Variants in PAPPA observed in about 807,000 individuals in gnomAD.
PAPPA encodes pappalysin-1.
PAPPA carries 60 observed loss-of-function variants against 164.0 expected under a neutral mutation model. The observed-to-expected ratio is 0.37, with a 90% CI of 0.30 to 0.45. The LOEUF is 0.45. Ranked by LOEUF, PAPPA falls within the 20% of genes least tolerant of loss-of-function variation. The pLI, the probability that PAPPA is intolerant of heterozygous loss-of-function variation, is 1.00. For synonymous variants in PAPPA, 875 were observed against 814.1 expected (o/e 1.07, Z -1.27); for missense variants, 1,782 against 2,087.3 (o/e 0.85, Z 2.85).
At chr9:116,176,052 C>T (rs913888398) in intron 1 of PAPPA, among the ~76,000 whole-genome samples, 1 of 152,166 alleles carries the variant, frequency 6.6e-6, no homozygotes, top group African/African-American at 2.4e-5. Flanking sequence ...TGCTCATCAA[C>T]ACTTATACAC....
At chr9:116,218,342 A>G (rs1844401638) in intron 4 of PAPPA, among the ~76,000 whole-genome samples, 1 of 152,172 alleles carries the variant, frequency 6.6e-6, no homozygotes, top group Non-Finnish European at 1.5e-5. Context: ...TGTTTGTTTG[A>G]TAAGAAGAAA....
At position 116,271,493 on chromosome 9, in the gene PAPPA, AATAG is replaced by A; in HGVS notation, c.2953+78_2953+81del. ...ATGGTTGGTCAATGATAATGCCAAC[AATAG>A]TTATGACTAAATGATGATTCACTCC... On this transcript the variant is annotated intron_variant, in intron 9 of 21. Transcript: ENST00000328252. The surrounding 1 kb of genome is among the most constrained non-coding windows in gnomAD (Gnocchi z 4.2). The A allele has an allele frequency of 1.0e-6, 1 of 992,888 alleles. No homozygotes were observed. The highest frequency in any genetic ancestry group is 1.3e-5 in the South Asian group (1 of 77,026). The allele number at this position is 992,888 out of a possible 1,614,324, so 61.5% of individuals were successfully genotyped here. A position where few individuals can be genotyped will look rare whatever the true frequency, so the allele number is the denominator to read the frequency against.
chr9:116,234,451 T>C (rs1280895322), intron 6 of PAPPA, among the ~76,000 whole-genome samples: 2 of 152,124 alleles, frequency 1.3e-5, no homozygotes, highest in Non-Finnish European at 2.9e-5. Flanking sequence ...CTGTTGTTCA[T>C]GGTTCTAGAC....
At chr9:116,155,160 A>G (rs909664476) in intron 1 of PAPPA, among the ~76,000 whole-genome samples, 2 of 152,028 alleles carry the variant, frequency 1.3e-5, no homozygotes, top group African/African-American at 4.8e-5. Flanking sequence ...ACGCCATCCC[A>G]TGTCCTAGCT....
intron 7 of PAPPA, among the ~76,000 whole-genome samples, chr9:116,252,155 G>T (rs545286039): frequency 7.6e-4 from 115 of 152,314 alleles, no homozygotes; most frequent in African/African-American, 2.8e-3. Flanking sequence ...ATCAAAGATT[G>T]CTGGAATTAA....
chr9:116,194,784 T>C (rs1316114782), intron 2 of PAPPA, among the ~76,000 whole-genome samples: 5 of 152,124 alleles, frequency 3.3e-5, no homozygotes, highest in Admixed American at 3.3e-4. Context: ...GGACACCATA[T>C]CCTCCCTGTC....
intron 21 of PAPPA, among the ~76,000 whole-genome samples, chr9:116,382,919 A>T (rs1846751635): frequency 6.6e-6 from 1 of 152,164 alleles, no homozygotes; most frequent in Non-Finnish European, 1.5e-5. Flanking sequence ...GTAAAATCCC[A>T]GTGAGAACAC....
intron 19 of PAPPA, chr9:116,373,590 G>A (rs1846604620): frequency 6.6e-6 from 1 of 151,978 alleles, no homozygotes; most frequent in African/African-American, 2.4e-5. Context: ...ACATGTCTTT[G>A]GCTCTGCTTG....
At chr9:116,270,889 G>A (rs1029172770) in intron 8 of PAPPA, among the ~76,000 whole-genome samples, 1 of 152,074 alleles carries the variant, frequency 6.6e-6, no homozygotes, top group Non-Finnish European at 1.5e-5. Flanking sequence ...GGAATAAGAA[G>A]GATATCAAGG....
In PAPPA at chr9:116,187,590, C is replaced by A. The variant is rs756629526; in HGVS notation, c.852C>A (p.Leu284=). The A allele has an allele frequency of 1.2e-6, 2 of 1,614,212 alleles. No individual in the cohort carries two copies. Among genetic ancestry groups the A allele is most frequent in the Non-Finnish European group, 1.7e-6 (2 of 1,180,026 alleles). The change falls in exon 2 of 22, where the codon CTC becomes CTA. Residue 284 remains leucine (L), a synonymous_variant. Coordinates refer to ENST00000328252, the MANE Select transcript of PAPPA (RefSeq NM_002581.5). This position sits in a 1 kb window ranked among gnomAD's most constrained non-coding sequence, Gnocchi z 4.2. ...THGAHTALPQ[L]LLQENWDNVK... Reference sequence around the variant, plus strand: ...GCGCCCACACTGCTCTACCTCAGCTCCTCCTCCAGGAGAACTGGGACAATG... The same window carrying A: ...GCGCCCACACTGCTCTACCTCAGCTACTCCTCCAGGAGAACTGGGACAATG...
chr9:116,303,111 A>G (rs1845600403), intron 10 of PAPPA, among the ~76,000 whole-genome samples, 161 bp downstream of exon 10: 1 of 152,204 alleles, frequency 6.6e-6, no homozygotes, highest in African/African-American at 2.4e-5. Context: ...TTTGTAAAAG[A>G]TTAGATCTGG....
At chr9:116,184,719 CT>C (rs1333974616) in intron 1 of PAPPA, among the ~76,000 whole-genome samples, 1 of 152,208 alleles carries the variant, frequency 6.6e-6, no homozygotes, top group Admixed American at 6.5e-5. Flanking sequence ...TGCAAAGATC[CT>C]GATCTTTCTA....
intron 21 of PAPPA, among the ~76,000 whole-genome samples, chr9:116,392,576 T>C (rs958960733): frequency 2.6e-5 from 4 of 152,218 alleles, no homozygotes; most frequent in Admixed American, 2.6e-4. Flanking sequence ...CCCAAGTCCT[T>C]TCCAGGTTAG....
At position 116,212,806 on chromosome 9, in the gene PAPPA, A is replaced by T. The variant is rs531835016; in HGVS notation, c.1918+874A>T. On this transcript the variant is annotated intron_variant, in intron 4 of 21. Coordinates refer to ENST00000328252, the MANE Select transcript of PAPPA (RefSeq NM_002581.5). The stretch of plus-strand genomic sequence containing the variant: ...ATGAATAAATTCTCTTATAACAGGT[A>T]TATAAAATTTATTCTTATCAAAAGC... Among the ~76,000 whole-genome samples, 14 of 152,316 alleles carry T rather than the reference A, an allele frequency of 9.2e-5. No homozygotes were observed. The East Asian group carries it at 2.7e-3, about 29-fold the overall frequency.
At chr9:116,352,167 A>T (rs1846290759) in intron 15 of PAPPA, among the ~76,000 whole-genome samples, 1 of 152,158 alleles carries the variant, frequency 6.6e-6, no homozygotes, top group Admixed American at 6.5e-5. Context: ...ACAGAAAATC[A>T]AATCTCCTAA....
chr9:116,182,249 A>G lies in PAPPA; in HGVS notation c.416-4905A>G, dbSNP rs144784225. 2.9e-3 allele frequency among the ~76,000 whole-genome samples: 439 copies of G among 152,366 alleles called. 1 individual carries two copies. Among genetic ancestry groups the G allele is most frequent in the Non-Finnish European group, 5.0e-3 (343 of 68,036 alleles). ...TCTCAATAAAGAGTAAGATACTCTT[A>G]TAGAGAAGGCAGAAATAGGGAAGTA... On this transcript the variant is annotated intron_variant, in intron 1 of 21. Transcript: ENST00000328252.
chr9:116,371,455 A>G (rs929549479), intron 19 of PAPPA, among the ~76,000 whole-genome samples: 3 of 152,176 alleles, frequency 2.0e-5, no homozygotes, highest in Non-Finnish European at 2.9e-5. Flanking sequence ...ACACTGAGGC[A>G]TATTAGTAGT....
At chr9:116,277,790 C>T (rs750058765) in intron 9 of PAPPA, among the ~76,000 whole-genome samples, 19 of 152,164 alleles carry the variant, frequency 1.2e-4, no homozygotes, top group African/African-American at 4.6e-4. Flanking sequence ...GATTCTCCTA[C>T]GTCAGCCTCC....
chr9:116,315,489 A>G (rs116429573), intron 10 of PAPPA, among the ~76,000 whole-genome samples: 62 of 152,304 alleles, frequency 4.1e-4, no homozygotes, highest in African/African-American at 1.5e-3. Context: ...TTTCTCTGCT[A>G]ACAGCTTTGG....
Sources: allele counts gnomAD v4.1 joint callset (sites outside exome capture counted in the v4.1 genomes callset), GRCh38; gene constraint gnomAD v4.1.1; non-coding constraint Gnocchi (gnomAD v3.1); transcripts MANE v1.5; gene names NCBI Gene and HGNC (gene_info 2026-07-23, HGNC 2026-07-21).